PLAAT1: variants seen among roughly 807,000 people sequenced by gnomAD.
PLAAT1 encodes the protein phospholipase A and acyltransferase 1.
Under a neutral mutation model 16.4 loss-of-function variants are expected in PLAAT1, and 13 were observed. That is an observed-to-expected ratio of 0.79 (90% CI 0.52 to 1.26). The LOEUF is 1.26. Ranked by LOEUF, PLAAT1 falls within the 50% of genes most tolerant of loss-of-function variation. The pLI, the probability that PLAAT1 is intolerant of heterozygous loss-of-function variation, is 0.00. For missense variants in PLAAT1, 218 were observed against 207.8 expected (o/e 1.05, Z -0.30); for synonymous variants, 73 against 78.4 (o/e 0.93, Z 0.36).
At chr3:193,244,345 C>A (rs1310837349) in intron 1 of PLAAT1, among the ~76,000 whole-genome samples, 1 of 152,060 alleles carries the variant, frequency 6.6e-6, no homozygotes, top group Non-Finnish European at 1.5e-5. Flanking sequence ...TACACATTCC[C>A]ACCAGCAGTG....
chr3:193,275,476 G>A (rs1298993969), downstream of PLAAT1, among the ~76,000 whole-genome samples: 1 of 152,156 alleles, frequency 6.6e-6, no homozygotes, highest in Non-Finnish European at 1.5e-5. Flanking sequence ...GAAGCTAGAG[G>A]GTGCTTGTTT....
intron 3 of PLAAT1, among the ~76,000 whole-genome samples, chr3:193,266,404 A>G (rs1178983795): frequency 1.3e-5 from 2 of 152,168 alleles, no homozygotes; most frequent in African/African-American, 4.8e-5. Context: ...TTTGACTATA[A>G]CTTGCAATCT....
At chr3:193,266,934 G>A (rs1182494598) in intron 3 of PLAAT1, among the ~76,000 whole-genome samples, 1 of 151,984 alleles carries the variant, frequency 6.6e-6, no homozygotes, top group Non-Finnish European at 1.5e-5. Context: ...TCTTGGGAAT[G>A]GCTATGTATT....
chr3:193,256,528 A>C (rs1716380103), intron 2 of PLAAT1, among the ~76,000 whole-genome samples: 1 of 152,210 alleles, frequency 6.6e-6, no homozygotes, highest in South Asian at 2.1e-4. Flanking sequence ...GAAAAGCAAA[A>C]GCTAATACAC....
intron 1 of PLAAT1, among the ~76,000 whole-genome samples, chr3:193,250,167 G>GAAC (rs1376500054): frequency 6.6e-6 from 1 of 152,064 alleles, no homozygotes; most frequent in Non-Finnish European, 1.5e-5. Context: ...AAGATTGTTA[G>GAAC]AATCCACTAA....
intron 1 of PLAAT1, among the ~76,000 whole-genome samples, chr3:193,241,782 C>T (rs1168023408): frequency 2.0e-5 from 3 of 152,188 alleles, no homozygotes; most frequent in Non-Finnish European, 4.4e-5. Context: ...CTACTGTCCT[C>T]ACTGAAGTGA....
At chr3:193,260,362 A>G (rs1376963183) in intron 2 of PLAAT1, among the ~76,000 whole-genome samples, 2 of 152,230 alleles carry the variant, frequency 1.3e-5, no homozygotes, top group Non-Finnish European at 1.5e-5. Flanking sequence ...AGTGAGACCT[A>G]AGTAAACAAA....
At chr3:193,279,317 T>C, downstream of PLAAT1, 2 of 1,362,552 alleles carry the variant, frequency 1.5e-6, no homozygotes, top group Non-Finnish European at 2.1e-6. Context: ...AATGAATACA[T>C]GGTCCATGTA....
intron 2 of PLAAT1, 104 bp from the exon 3 acceptor site, chr3:193,262,866 C>T: frequency 8.7e-7 from 1 of 1,143,556 alleles, no homozygotes; most frequent in Non-Finnish European, 1.3e-6. Context: ...AAGTTAGGAA[C>T]AGGGCTAGGT....
intron 1 of PLAAT1, among the ~76,000 whole-genome samples, chr3:193,244,118 T>C (rs1715882553): frequency 6.6e-6 from 1 of 152,202 alleles, no homozygotes; most frequent in African/African-American, 2.4e-5. Context: ...TATTTTTTAA[T>C]TTTTTTAACC....
chr3:193,259,945 A>G (rs1395204260), intron 2 of PLAAT1, among the ~76,000 whole-genome samples: 1 of 152,146 alleles, frequency 6.6e-6, no homozygotes, highest in East Asian at 1.9e-4. Flanking sequence ...ACATTACCCA[A>G]CTTCAAACTC....
At chr3:193,244,651 A>T (rs1715911891) in intron 1 of PLAAT1, among the ~76,000 whole-genome samples, 1 of 152,170 alleles carries the variant, frequency 6.6e-6, no homozygotes. Flanking sequence ...TCTTATAGTT[A>T]TGGAGGCTGA....
At chr3:193,246,577 G>A (rs1048443510) in intron 1 of PLAAT1, among the ~76,000 whole-genome samples, 4 of 152,112 alleles carry the variant, frequency 2.6e-5, no homozygotes, top group African/African-American at 4.8e-5. Flanking sequence ...TCCTAGGCTG[G>A]TCTAGAACTC....
chr3:193,255,251 C>T (rs1716330732), intron 1 of PLAAT1, among the ~76,000 whole-genome samples: 2 of 152,222 alleles, frequency 1.3e-5, no homozygotes, highest in East Asian at 1.9e-4. Flanking sequence ...TATATGTTTA[C>T]TTTCCTATTT....
chr3:193,263,091 T>C lies in PLAAT1; in HGVS notation c.261T>C (p.Asp87=), dbSNP rs1326542004. The part of the protein sequence containing the change: ...NDTYRINNKY[D]ETYPPLPVEE... ...CATACAGAATAAACAATAAATACGA[T>C]GAAACGTACCCCCCTCTCCCTGTGG... The change falls in exon 3 of 4, where the codon GAT becomes GAC. Residue 87 remains aspartate (D), a synonymous_variant. Coordinates refer to ENST00000264735, the MANE Select transcript of PLAAT1 (RefSeq NM_020386.5). 25 of 1,614,034 alleles carry C rather than the reference T, an allele frequency of 1.5e-5. No individual in the cohort carries two copies. Among genetic ancestry groups the C allele is most frequent in the Non-Finnish European group, 2.1e-5 (25 of 1,180,040 alleles).
downstream of PLAAT1, among the ~76,000 whole-genome samples, chr3:193,274,141 G>T (rs7647856): frequency 4.9e-3 from 748 of 152,220 alleles, 7 homozygotes; most frequent in African/African-American, 0.017. Flanking sequence ...TACTCGAGAG[G>T]CTGAGGCAGG....
At position 193,241,228 on chromosome 3, in the gene PLAAT1, G is replaced by A. The variant is rs941646134; in HGVS notation, c.-306G>A. 3 of 1,224,660 alleles carry A rather than the reference G, an allele frequency of 2.4e-6. No individual in the cohort carries two copies. The South Asian group carries it at 1.2e-4, about 50-fold the overall frequency. 75.9% of individuals were successfully genotyped at this position (1,224,660 alleles called of 1,614,324 possible). ...GAGCGGGCGGCTCCCCATGGTCAGA[G>A]CCTCGTGCCGGCTCGGCAGCGCCCG... On this transcript the variant is annotated 5_prime_UTR_variant, in exon 1 of 4. Coordinates refer to ENST00000264735, the MANE Select transcript of PLAAT1 (RefSeq NM_020386.5).
intron 3 of PLAAT1, among the ~76,000 whole-genome samples, chr3:193,263,862 C>G (rs1322201473): frequency 6.6e-6 from 1 of 152,076 alleles, no homozygotes; most frequent in Non-Finnish European, 1.5e-5. Context: ...TGACAAATTT[C>G]TAGCTAACAG....
chr3:193,247,253 C>A (rs1314943785), intron 1 of PLAAT1, among the ~76,000 whole-genome samples: 1 of 152,094 alleles, frequency 6.6e-6, no homozygotes, highest in Non-Finnish European at 1.5e-5. Context: ...AACCTCTGAC[C>A]CACCCCACAG....
Sources: allele counts gnomAD v4.1 joint callset (sites outside exome capture counted in the v4.1 genomes callset), GRCh38; gene constraint gnomAD v4.1.1; transcripts MANE v1.5; gene names NCBI Gene and HGNC (gene_info 2026-07-23, HGNC 2026-07-21).